The following TRIO variants were observed in gnomAD, a reference collection of about 807,000 sequenced individuals.
TRIO encodes the protein triple functional domain protein.
In TRIO, 58 loss-of-function variants were observed where a neutral mutation model predicts 351.9. The ratio of observed to expected loss-of-function variants is 0.16; its 90% CI spans 0.13 to 0.21. TRIO has a LOEUF of 0.21. TRIO is among the 10% of genes least tolerant of loss of function. The pLI is 1.00. For missense variants in TRIO, 3,201 were observed against 4,027.8 expected (o/e 0.79, Z 5.56); for synonymous variants, 1,758 against 1,595.7 (o/e 1.10, Z -2.42).
chr5:14,507,959 A>G lies in TRIO; in HGVS notation c.8831A>G (p.Asn2944Ser), dbSNP rs143213427. ...GACTTTGGAGATGCTGTTCAGCTCA[A>G]CACGACCTACTACATCCACCAGTTA... is the stretch of plus-strand genomic sequence containing the variant. ...LADFGDAVQL[N>S]TTYYIHQLLG... The change falls in exon 57 of 57, where the codon AAC (asparagine) becomes AGC (serine). Residue 2944 changes from asparagine (N) to serine (S), a missense_variant. Asn to Ser is a conservative substitution (Grantham distance 46, BLOSUM62 1). Coordinates refer to ENST00000344204, the MANE Select transcript of TRIO (RefSeq NM_007118.4). The G allele has an allele frequency of 5.8e-4, 932 of 1,614,222 alleles. 4 individuals carry two copies. In the African/African-American group the frequency reaches 8.5e-3, roughly 15 times the overall value.
At chr5:14,471,847 C>T (rs533683744) in intron 38 of TRIO, among the ~76,000 whole-genome samples, 1 of 152,018 alleles carries the variant, frequency 6.6e-6, no homozygotes, top group South Asian at 2.1e-4. Context: ...TTCTCAATGC[C>T]AGTAAAGCAG....
intron 1 of TRIO, among the ~76,000 whole-genome samples, chr5:14,185,477 C>G (rs1790051890): frequency 6.6e-6 from 1 of 152,232 alleles, no homozygotes; most frequent in South Asian, 2.1e-4. Context: ...AGCAGGCTCC[C>G]AGGCCCAGAC....
intron 11 of TRIO, among the ~76,000 whole-genome samples, chr5:14,353,432 T>A (rs1743320631): frequency 1.3e-5 from 2 of 151,984 alleles, no homozygotes; most frequent in Non-Finnish European, 2.9e-5. Context: ...CCAGCTATTT[T>A]TTTGTATTTT....
intron 9 of TRIO, among the ~76,000 whole-genome samples, chr5:14,323,939 C>T (rs1269187550): frequency 7.0e-6 from 1 of 142,444 alleles, no homozygotes; most frequent in East Asian, 1.9e-4. Flanking sequence ...TGAAAGTCTT[C>T]CTTTATGGCC....
Position 14,498,252 on chromosome 5 carries a change from G to GT in TRIO, c.8210+2dup. On this transcript the variant is annotated splice_donor_variant, in intron 52 of 56. Transcript: ENST00000344204. LOFTEE classifies it high-confidence loss of function. ...ATGGTCACTACAGCATCTCCTACAG[G>GT]TGAGGGAGGCCCACTCCTGGTGGGT... 1 of 1,613,534 alleles carries GT rather than the reference G, an allele frequency of 6.2e-7. No individual in the cohort carries two copies. Among genetic ancestry groups the GT allele is most frequent in the Non-Finnish European group, 8.5e-7 (1 of 1,179,474 alleles).
chr5:14,423,188 C>T (rs945444975), intron 34 of TRIO, among the ~76,000 whole-genome samples: 5 of 152,296 alleles, frequency 3.3e-5, no homozygotes, highest in South Asian at 2.1e-4. Context: ...TTGTGTTTGT[C>T]GTTTATGCTG....
At chr5:14,338,972 A>G (rs1288684829) in intron 11 of TRIO, among the ~76,000 whole-genome samples, 2 of 152,182 alleles carry the variant, frequency 1.3e-5, no homozygotes, top group Admixed American at 6.5e-5. Flanking sequence ...ACCAAGCAGT[A>G]TTTGTGATTT....
intron 3 of TRIO, among the ~76,000 whole-genome samples, chr5:14,283,490 C>T (rs1386943561): frequency 2.0e-5 from 3 of 152,156 alleles, no homozygotes; most frequent in Non-Finnish European, 4.4e-5. Flanking sequence ...TTGTGAGTAT[C>T]GAGTAAGATT....
chr5:14,314,610 C>T (rs1561328230), intron 8 of TRIO, among the ~76,000 whole-genome samples: 1 of 152,124 alleles, frequency 6.6e-6, no homozygotes, highest in Non-Finnish European at 1.5e-5. Context: ...AGAGAAAAAC[C>T]GTGTATTTAT....
intron 37 of TRIO, among the ~76,000 whole-genome samples, chr5:14,470,333 T>G (rs922525415): frequency 5.3e-5 from 8 of 152,112 alleles, no homozygotes; most frequent in African/African-American, 1.9e-4. Context: ...TACCAAATGT[T>G]TTAAGTGAGG....
rs951847219 is a variant in TRIO at position 14,381,068 on chromosome 5, G to C, written c.3448-62G>C. On this transcript the variant is annotated intron_variant, in intron 20 of 56. Coordinates refer to ENST00000344204, the MANE Select transcript of TRIO (RefSeq NM_007118.4). ...TTTGACCTTTAAATGAGGTGCTCGG[G>C]GCTTTGGGCTCCTCTCAGGAATGTG... The C allele has an allele frequency of 1.5e-5, 24 of 1,549,884 alleles. No individual in the cohort carries two copies. The East Asian group carries it at 5.3e-4, about 34-fold the overall frequency.
At chr5:14,488,380 G>A (rs1756202902) in intron 48 of TRIO, 120 bp downstream of exon 48, 2 of 1,417,046 alleles carry the variant, frequency 1.4e-6, no homozygotes, top group African/African-American at 1.4e-5. Context: ...GCCCGTTGCG[G>A]CCTCTACCTG....
intron 32 of TRIO, 25 bp from the exon 33 acceptor site, chr5:14,406,548 A>G (rs374590426): frequency 1.9e-6 from 3 of 1,611,304 alleles, no homozygotes; most frequent in Non-Finnish European, 2.5e-6. Context: ...AGCATCAGGA[A>G]CTAAAAGTTT....
At chr5:14,491,453 G>C (rs1259747190) in intron 48 of TRIO, among the ~76,000 whole-genome samples, 1 of 152,204 alleles carries the variant, frequency 6.6e-6, no homozygotes, top group African/African-American at 2.4e-5. Context: ...CGAGGCACCA[G>C]ATGCCGTTTC....
chr5:14,167,385 A>G (rs754182255), intron 1 of TRIO, among the ~76,000 whole-genome samples: 3 of 151,938 alleles, frequency 2.0e-5, no homozygotes, highest in African/African-American at 4.8e-5. Flanking sequence ...CCCAGCGTCA[A>G]AACTTTATTT....
rs372375333 is a variant in TRIO at position 14,208,414 on chromosome 5, C to A, written c.158-62411C>A. On this transcript the variant is annotated intron_variant, in intron 1 of 56. Coordinates refer to ENST00000344204, the MANE Select transcript of TRIO (RefSeq NM_007118.4). ...AGTGAAAGAAGCCAGACACAAAATA[C>A]GACATATTGCATGATGCCATTTCTA... 1.8e-4 allele frequency among the ~76,000 whole-genome samples: 28 copies of A among 152,268 alleles called. No homozygotes were observed. In the East Asian group the frequency reaches 5.0e-3, roughly 27 times the overall value.
At position 14,184,544 on chromosome 5, in the gene TRIO, C is replaced by A. The variant is rs188756965; in HGVS notation, c.157+40662C>A. 2.0e-5 allele frequency among the ~76,000 whole-genome samples: 3 copies of A among 152,298 alleles called. No homozygotes were observed. The East Asian group carries it at 5.8e-4, about 29-fold the overall frequency. On this transcript the variant is annotated intron_variant, in intron 1 of 56. Transcript: ENST00000344204. ...CTTTATATTAGCCTCTAGTGTAATTCAGGACTTCATTGCTATGGACGAGTC... is the reference window on the plus strand; with the variant it reads ...CTTTATATTAGCCTCTAGTGTAATTAAGGACTTCATTGCTATGGACGAGTC...
intron 1 of TRIO, among the ~76,000 whole-genome samples, chr5:14,162,153 C>G (rs1055908775): frequency 1.5e-4 from 23 of 152,190 alleles, no homozygotes; most frequent in African/African-American, 5.3e-4. Context: ...TCATTCCATT[C>G]ACATATCTGG....
chr5:14,175,437 T>A (rs1225525175), intron 1 of TRIO, among the ~76,000 whole-genome samples: 9 of 152,222 alleles, frequency 5.9e-5, no homozygotes, highest in Non-Finnish European at 1.3e-4. Flanking sequence ...AGTAATAGAT[T>A]CCATTTTTTG....
Sources: allele counts gnomAD v4.1 joint callset (sites outside exome capture counted in the v4.1 genomes callset), GRCh38; gene constraint gnomAD v4.1.1; transcripts MANE v1.5; gene names NCBI Gene and HGNC (gene_info 2026-07-23, HGNC 2026-07-21).